The following ACYP1 variants were observed in gnomAD, a reference collection of about 807,000 sequenced individuals.
ACYP1 encodes acylphosphatase 1.
ACYP1 carries 8 observed loss-of-function variants against 10.4 expected under a neutral mutation model. The ratio of observed to expected loss-of-function variants is 0.77; its 90% confidence interval spans 0.45 to 1.38. The LOEUF is 1.38. ACYP1 is among the 40% of genes most tolerant of loss of function. ACYP1 has a pLI of 0.00. For synonymous variants in ACYP1, 38 were observed against 40.8 expected, an observed-to-expected ratio of 0.93 and a Z score of 0.26; for missense variants, 93 against 117.3, an observed-to-expected ratio of 0.79 and a Z score of 0.96.
chr14:75,060,586 T>C (rs1007093105), intron 2 of ACYP1, among the ~76,000 whole-genome samples: 3 of 152,150 alleles, frequency 2.0e-5, no homozygotes, highest in Non-Finnish European at 4.4e-5. Flanking sequence ...GAAACCCAAA[T>C]TTCCATCAAT....
In ACYP1 at chr14:75,055,225, C is replaced by T. The variant is rs1446751677; in HGVS notation, c.85-1566G>A. Among the ~76,000 whole-genome samples, 2 of 150,758 alleles carry T rather than the reference C, an allele frequency of 1.3e-5. 1 individual carries two copies. The highest frequency in any genetic ancestry group is 4.9e-5 in the African/African-American group (2 of 40,552). ...CCTCAGCCTCCCCAGTAGCTGGGACCACAGGCGCCCGCAACCACTCCCGGC... is the reference window on the plus strand; with the variant it reads ...CCTCAGCCTCCCCAGTAGCTGGGACTACAGGCGCCCGCAACCACTCCCGGC... On this transcript the variant is annotated intron_variant, in intron 2 of 2. Transcript: ENST00000238618.
chr14:75,058,073 G>A (rs1024566967), intron 2 of ACYP1, among the ~76,000 whole-genome samples: 1 of 149,714 alleles, frequency 6.7e-6, no homozygotes, highest in Non-Finnish European at 1.5e-5. Context: ...GCATGAGACT[G>A]TCACTGGCAT....
intron 2 of ACYP1, among the ~76,000 whole-genome samples, chr14:75,056,029 C>G (rs1892868696): frequency 6.6e-6 from 1 of 151,216 alleles, no homozygotes; most frequent in South Asian, 2.1e-4. Flanking sequence ...TGGATGAAAA[C>G]AAACCTAATA....
chr14:75,056,092 T>C (rs1215212512), intron 2 of ACYP1, among the ~76,000 whole-genome samples: 1 of 151,462 alleles, frequency 6.6e-6, no homozygotes, highest in East Asian at 1.9e-4. Context: ...AAAGTCTGAA[T>C]AGACCTATAC....
intron 2 of ACYP1, among the ~76,000 whole-genome samples, chr14:75,056,554 A>G (rs1892881964): frequency 6.6e-6 from 1 of 151,128 alleles, no homozygotes; most frequent in African/African-American, 2.5e-5. Context: ...GCCTCCCAAA[A>G]ACAAAGCTGT....
At chr14:75,068,415 C>G (rs1566623247), upstream of ACYP1, among the ~76,000 whole-genome samples, 1 of 152,034 alleles carries the variant, frequency 6.6e-6, no homozygotes, top group Non-Finnish European at 1.5e-5. Context: ...CTGAAAAGGA[C>G]TAATTCAAGA....
exon 1 of ACYP1, chr14:75,069,237 C>A: frequency 6.7e-7 from 1 of 1,502,142 alleles, no homozygotes; most frequent in South Asian, 1.2e-5. Context: ...CAGCCGAGCG[C>A]GCGGAGAAAG....
chr14:75,063,145 C>T (rs1893069751), intron 2 of ACYP1: 1 of 319,682 alleles, frequency 3.1e-6, no homozygotes, highest in Non-Finnish European at 6.0e-6. Context: ...GTTAGCCTTT[C>T]TATAAGAAAC....
At chr14:75,060,941 C>T (rs995147509) in intron 2 of ACYP1, among the ~76,000 whole-genome samples, 1 of 152,080 alleles carries the variant, frequency 6.6e-6, no homozygotes, top group African/African-American at 2.4e-5. Flanking sequence ...GTGGTGCATG[C>T]CTGTAATCCC....
At chr14:75,059,135 G>A (rs1359072543) in intron 2 of ACYP1, among the ~76,000 whole-genome samples, 1 of 137,572 alleles carries the variant, frequency 7.3e-6, no homozygotes. Flanking sequence ...GCAGTGAGCC[G>A]AGATCGAGAT....
chr14:75,063,184 C>T (rs930828888), intron 2 of ACYP1: 2 of 395,416 alleles, frequency 5.1e-6, no homozygotes, highest in Admixed American at 3.6e-5. Context: ...GCCACAACGG[C>T]GAGCACTGGG....
chr14:75,067,845 GAAGT>G (rs1254268410), upstream of ACYP1, among the ~76,000 whole-genome samples: 5 of 150,164 alleles, frequency 3.3e-5, no homozygotes, highest in Non-Finnish European at 5.9e-5. Flanking sequence ...AAAAAAAAAA[GAAGT>G]AAGCTGGGTG....
Position 75,057,988 on chromosome 14 carries a change from A to AAAC in ACYP1, c.85-4330_85-4329insGTT, listed in dbSNP as rs59726466. Among the ~76,000 whole-genome samples the AAAC allele has an allele frequency of 2.9e-4, 43 of 147,220 alleles. 2 individuals are homozygous for AAAC. Among genetic ancestry groups the AAAC allele is most frequent in the African/African-American group, 1.1e-3 (43 of 39,472 alleles). On this transcript the variant is annotated intron_variant, in intron 2 of 2. Transcript: ENST00000238618. Reference sequence around the variant, plus strand: ...TCAAAAAAAAAAAAAAAAAAAAAAAAGAACTACCTGCTGAGGCTGGGTAAT... The same window carrying AAAC: ...TCAAAAAAAAAAAAAAAAAAAAAAAAAACGAACTACCTGCTGAGGCTGGGTAAT...
intron 2 of ACYP1, among the ~76,000 whole-genome samples, chr14:75,054,113 C>A (rs759749649): frequency 1.3e-5 from 2 of 152,190 alleles, no homozygotes; most frequent in Admixed American, 1.3e-4. Context: ...GTAAACAAAT[C>A]CAGATGAATT....
chr14:75,060,014 A>G (rs1880811175), intron 2 of ACYP1: 1 of 355,448 alleles, frequency 2.8e-6, no homozygotes, highest in Non-Finnish European at 5.1e-6. Context: ...TGCAAGATGA[A>G]AAGCGTTCTG....
Position 75,062,659 on chromosome 14 carries a change from C to CAA in ACYP1, c.84+809_84+810dup, listed in dbSNP as rs534860020. Among the ~76,000 whole-genome samples the CAA allele has an allele frequency of 5.8e-3, 601 of 103,344 alleles. 6 individuals carry two copies. Among genetic ancestry groups the CAA allele is most frequent in the African/African-American group, 0.017 (499 of 28,786 alleles). The allele number at this position is 103,344 out of a possible 152,430, so 67.8% of individuals were successfully genotyped here. A position where few individuals can be genotyped will look rare whatever the true frequency, so the allele number is the denominator to read the frequency against. ...TGAAACCCTGTCTCTACTAAAAATA[C>CAA]AAAAAAAAAAAAAAAAAAAAAAGAA... is the stretch of plus-strand genomic sequence containing the variant. On this transcript the variant is annotated intron_variant, in intron 2 of 2. Transcript: ENST00000238618.
chr14:75,062,118 A>G (rs1893035342), intron 2 of ACYP1, among the ~76,000 whole-genome samples: 1 of 149,550 alleles, frequency 6.7e-6, no homozygotes, highest in African/African-American at 2.5e-5. Flanking sequence ...AAAAAAAAAA[A>G]AAAAAAGAAA....
upstream of ACYP1, among the ~76,000 whole-genome samples, chr14:75,064,671 C>T (rs1437179524): frequency 6.6e-6 from 1 of 152,052 alleles, no homozygotes; most frequent in Non-Finnish European, 1.5e-5. Context: ...GAGGTGGAGG[C>T]TGCAGTGAGC....
At chr14:75,057,562 A>G (rs1892905563) in intron 2 of ACYP1, among the ~76,000 whole-genome samples, 1 of 151,510 alleles carries the variant, frequency 6.6e-6, no homozygotes, top group Non-Finnish European at 1.5e-5. Flanking sequence ...GGAAAAACAA[A>G]GTTGAAGGAT....
Sources: gnomAD v4.1 joint callset for allele counts (sites outside exome capture counted in the v4.1 genomes callset) on GRCh38, gnomAD v4.1.1 for gene constraint, MANE v1.5 for transcripts, NCBI Gene and HGNC (gene_info 2026-07-23, HGNC 2026-07-21) for gene names.